NACC2: variants seen among roughly 807,000 people sequenced by gnomAD.
The protein encoded by NACC2 is NACC family member 2, also known as nucleus accumbens-associated protein 2.
Under a neutral mutation model 25.1 loss-of-function variants are expected in NACC2, and 8 were observed. That is an observed-to-expected ratio of 0.32 (90% confidence interval 0.19 to 0.57). NACC2 has a LOEUF of 0.57. Ranked by LOEUF, NACC2 falls within the 20% of genes least tolerant of loss-of-function variation. NACC2 has a pLI of 0.89. For missense variants in NACC2, 644 were observed against 650.2 expected, an observed-to-expected ratio of 0.99 and a Z score of 0.10; for synonymous variants, 435 against 294.7, an observed-to-expected ratio of 1.48 and a Z score of -4.88.
chr9:136,060,954 G>A (rs976189177), intron 1 of NACC2, among the ~76,000 whole-genome samples: 5 of 152,218 alleles, frequency 3.3e-5, no homozygotes, highest in Non-Finnish European at 5.9e-5. Context: ...GAAAGGGGGA[G>A]GGGAGGGTGT....
At chr9:136,047,331 A>G (rs911563229) in intron 2 of NACC2, among the ~76,000 whole-genome samples, 1 of 152,180 alleles carries the variant, frequency 6.6e-6, no homozygotes, top group African/African-American at 2.4e-5. Context: ...GACGCCAGCA[A>G]CGTCACAGCC....
rs1840057950 is a variant in NACC2 at position 136,008,563 on chromosome 9, C to G, written c.*2953G>C. ...CTACAGGGTCTGGATGAGTCAGGGT[C>G]ACACTCACAGGACAGGACAACCCCG... On this transcript the variant is annotated 3_prime_UTR_variant, in exon 6 of 6. Transcript: ENST00000277554. 6.6e-6 allele frequency: 1 copy of G among 152,304 alleles called. No homozygotes were observed. The highest frequency in any genetic ancestry group is 1.5e-5 in the Non-Finnish European group (1 of 68,106). The allele number at this position is 152,304 out of a possible 1,614,324, so 9.4% of individuals were successfully genotyped here.
intron 2 of NACC2, among the ~76,000 whole-genome samples, chr9:136,041,665 C>G (rs1840634760): frequency 6.6e-6 from 1 of 151,898 alleles, no homozygotes; most frequent in Non-Finnish European, 1.5e-5. Flanking sequence ...AGAAATATTC[C>G]AAAATTGATT....
intron 5 of NACC2, among the ~76,000 whole-genome samples, chr9:136,012,412 G>A (rs1331544039): frequency 1.3e-5 from 2 of 152,270 alleles, no homozygotes; most frequent in Non-Finnish European, 2.9e-5. Flanking sequence ...GCCTGGAGGA[G>A]GGGAGTGACA....
At chr9:136,077,136 G>A (rs996845361) in intron 1 of NACC2, among the ~76,000 whole-genome samples, 10 of 151,536 alleles carry the variant, frequency 6.6e-5, no homozygotes, top group South Asian at 2.1e-4. Flanking sequence ...CCGAGATTGC[G>A]CCACTACACT....
rs545804362 is a variant in NACC2 at position 136,055,911 on chromosome 9, C to A, written c.-59-5331G>T. Reference sequence around the variant, plus strand: ...AGCGTGAGAAGGTGTGGGGATGGGGCGGGCCTGCTGTGCCAGGTGCTCTGG... The same window carrying A: ...AGCGTGAGAAGGTGTGGGGATGGGGAGGGCCTGCTGTGCCAGGTGCTCTGG... On this transcript the variant is annotated intron_variant, in intron 1 of 5. Coordinates refer to ENST00000277554, the MANE Select transcript of NACC2 (RefSeq NM_144653.5). The surrounding 1 kb of genome is among the most constrained non-coding windows in gnomAD (Gnocchi z 4.9). Among the ~76,000 whole-genome samples the A allele has an allele frequency of 6.6e-6, 1 of 152,088 alleles. No homozygotes were observed. Among genetic ancestry groups the A allele is most frequent in the African/African-American group, 2.4e-5 (1 of 41,416 alleles).
chr9:136,036,628 A>C (rs1840558485), intron 2 of NACC2, among the ~76,000 whole-genome samples: 1 of 152,198 alleles, frequency 6.6e-6, no homozygotes, highest in South Asian at 2.1e-4. Context: ...CAAAACAGGA[A>C]TGAGGGGAGA....
At chr9:136,045,195 A>G (rs1840701618) in intron 2 of NACC2, among the ~76,000 whole-genome samples, 1 of 151,970 alleles carries the variant, frequency 6.6e-6, no homozygotes, top group Non-Finnish European at 1.5e-5. Flanking sequence ...CCTGACCCCC[A>G]TGCCCTGCAG....
At chr9:136,056,033 C>T (rs956168316) in intron 1 of NACC2, among the ~76,000 whole-genome samples, 8 of 152,126 alleles carry the variant, frequency 5.3e-5, no homozygotes, top group East Asian at 1.9e-4. Flanking sequence ...CTTTCCCATA[C>T]GGTGCAGGCT....
intron 1 of NACC2, among the ~76,000 whole-genome samples, chr9:136,072,811 T>C (rs1258050428): frequency 2.0e-5 from 3 of 151,890 alleles, no homozygotes; most frequent in Non-Finnish European, 2.9e-5. Context: ...GATCATGCCA[T>C]TGCACTCCAG....
Position 136,050,372 on chromosome 9 carries a change from G to A in NACC2, c.150C>T (p.Ala50=). Residue 50 remains alanine, a synonymous_variant, in exon 2 of 6, where the codon GCC becomes GCT. Transcript: ENST00000277554. ...ACAGGTCGCGGAAGTAGAGGCTGCT[G>A]GCGGCCAGCACCGCCCGGTGGGCCT... ...AFKAHRAVLA[A]SSLYFRDLFS... 9 of 750,948 alleles carry A rather than the reference G, an allele frequency of 1.2e-5. No individual in the cohort carries two copies. Among genetic ancestry groups the A allele is most frequent in the South Asian group, 1.1e-4 (8 of 72,292 alleles). The allele number at this position is 750,948 out of a possible 1,614,324, so 46.5% of individuals were successfully genotyped here. A position where few individuals can be genotyped will look rare whatever the true frequency, so the allele number is the denominator to read the frequency against.
In NACC2 at chr9:136,056,132, G is replaced by T. The variant is rs116282806; in HGVS notation, c.-59-5552C>A. Among the ~76,000 whole-genome samples, 1,185 of 152,312 alleles carry T rather than the reference G, an allele frequency of 7.8e-3. 12 individuals are homozygous for T. Among genetic ancestry groups the T allele is most frequent in the African/African-American group, 0.027 (1,121 of 41,552 alleles). On this transcript the variant is annotated intron_variant, in intron 1 of 5. Coordinates refer to ENST00000277554, the MANE Select transcript of NACC2 (RefSeq NM_144653.5). ...GCAGGGGGCCCGGAGGTTAACCCTG[G>T]GGGGTAGAGGCTGCCCAGCTCCGGA...
rs1001036078 is a variant in NACC2 at position 136,039,671 on chromosome 9, T to C, written c.886+9965A>G. The stretch of plus-strand genomic sequence containing the variant: ...TCCCAGGAATGCAAGGGTGGTTCAA[T>C]ACTGGAACACTAACTGATGCAATAC... On this transcript the variant is annotated intron_variant, in intron 2 of 5. Coordinates refer to ENST00000277554, the MANE Select transcript of NACC2 (RefSeq NM_144653.5). 4.3e-4 allele frequency among the ~76,000 whole-genome samples: 65 copies of C among 152,320 alleles called. 1 individual carries two copies. Among genetic ancestry groups the C allele is most frequent in the African/African-American group, 1.6e-3 (65 of 41,566 alleles).
chr9:136,029,306 T>C (rs1840439777), intron 2 of NACC2, among the ~76,000 whole-genome samples: 1 of 152,170 alleles, frequency 6.6e-6, no homozygotes, highest in Non-Finnish European at 1.5e-5. Context: ...AGCTGAGAGC[T>C]GAGCAGATGT....
intron 2 of NACC2, among the ~76,000 whole-genome samples, chr9:136,026,210 G>A (rs935107181): frequency 6.6e-6 from 1 of 151,574 alleles, no homozygotes; most frequent in African/African-American, 2.4e-5. Context: ...GTGTGGTGGT[G>A]CGCACCTGTA....
In NACC2 at chr9:136,068,077, G is replaced by A. The variant is rs147470910; in HGVS notation, c.-59-17497C>T. 1.8e-3 allele frequency among the ~76,000 whole-genome samples: 275 copies of A among 152,326 alleles called. 2 individuals are homozygous for A. The highest frequency in any genetic ancestry group is 6.1e-3 in the African/African-American group (253 of 41,568). Reference sequence around the variant, plus strand: ...GACACTTATCATGAATGGAACTTGCGGGACTGGGCATTGCTCTGGGTGAGT... The same window carrying A: ...GACACTTATCATGAATGGAACTTGCAGGACTGGGCATTGCTCTGGGTGAGT... On this transcript the variant is annotated intron_variant, in intron 1 of 5. Transcript: ENST00000277554.
In NACC2 at chr9:136,056,358, C is replaced by T. The variant is rs889874575; in HGVS notation, c.-59-5778G>A. On this transcript the variant is annotated intron_variant, in intron 1 of 5. Transcript: ENST00000277554. ...GAACTCCCCCCAACCCCGAGGCCCC[C>T]ACAAAAGCCAGGATGGCGTGTGCCG... Among the ~76,000 whole-genome samples the T allele has an allele frequency of 3.9e-5, 6 of 152,172 alleles. 1 individual carries two copies. In the South Asian group the frequency reaches 1.2e-3, roughly 31 times the overall value.
chr9:136,045,695 C>T (rs1247811923), intron 2 of NACC2, among the ~76,000 whole-genome samples: 2 of 152,172 alleles, frequency 1.3e-5, no homozygotes, highest in African/African-American at 4.8e-5. Flanking sequence ...GTCTGCCATG[C>T]CACAGGTGCC....
intron 1 of NACC2, among the ~76,000 whole-genome samples, chr9:136,056,131 G>A (rs1419510185): frequency 6.6e-6 from 1 of 152,182 alleles, no homozygotes; most frequent in African/African-American, 2.4e-5. Flanking sequence ...GGTTAACCCT[G>A]GGGGGTAGAG....
Sources: gnomAD v4.1 joint callset for allele counts (sites outside exome capture counted in the v4.1 genomes callset) on GRCh38, gnomAD v4.1.1 for gene constraint, Gnocchi (gnomAD v3.1) non-coding constraint, MANE v1.5 for transcripts, NCBI Gene and HGNC (gene_info 2026-07-23, HGNC 2026-07-21) for gene names.